TMEM232: variants seen among roughly 807,000 people sequenced by gnomAD.
TMEM232 encodes the protein transmembrane protein 232.
A neutral mutation model predicts 78.8 loss-of-function variants in TMEM232; 80 were observed. The observed-to-expected ratio is 1.01, with a 90% CI of 0.85 to 1.22. TMEM232 has a LOEUF of 1.22. TMEM232 is among the 50% of genes most tolerant of loss of function. The pLI is 0.00. For synonymous variants in TMEM232, 297 were observed against 254.3 expected (o/e 1.17, Z -1.60); for missense variants, 881 against 742.2 (o/e 1.19, Z -2.17).
intron 10 of TMEM232, among the ~76,000 whole-genome samples, chr5:110,592,756 T>A (rs1779679075): frequency 6.6e-6 from 1 of 152,176 alleles, no homozygotes; most frequent in South Asian, 2.1e-4. Context: ...AATAATCTAG[T>A]CTGTTAGGGA....
At chr5:110,451,085 CAAAAT>C (rs1488840730) in intron 12 of TMEM232, among the ~76,000 whole-genome samples, 1 of 152,116 alleles carries the variant, frequency 6.6e-6, no homozygotes, top group Non-Finnish European at 1.5e-5. Context: ...TGATGGAACA[CAAAAT>C]AAATGCTTAT....
intron 12 of TMEM232, among the ~76,000 whole-genome samples, chr5:110,462,979 A>ATT (rs914316987): frequency 6.6e-6 from 1 of 152,328 alleles, no homozygotes; most frequent in African/African-American, 2.4e-5. Context: ...TGCTGTGAAC[A>ATT]TTGTTGAAAT....
rs76528428 is a variant in TMEM232, at chr5:110,681,714, G to A, written c.-12-14350C>T. On this transcript the variant is annotated intron_variant, in intron 1 of 13. Coordinates refer to ENST00000455884, the MANE Select transcript of TMEM232 (RefSeq NM_001039763.4). ...TAGCAAAAACAAGTTACAGTTACAA[G>A]TTTAAGTGGAGTTGAATAATAGAAC... Among the ~76,000 whole-genome samples, 133 of 152,318 alleles carry A rather than the reference G, an allele frequency of 8.7e-4. 1 individual carries two copies. The East Asian group carries it at 0.024, about 27-fold the overall frequency.
At chr5:110,507,537 C>T (rs114173831) in intron 12 of TMEM232, among the ~76,000 whole-genome samples, 1 of 152,154 alleles carries the variant, frequency 6.6e-6, no homozygotes, top group Non-Finnish European at 1.5e-5. Flanking sequence ...AATATGAACA[C>T]AGAATTGGTG....
intron 10 of TMEM232, among the ~76,000 whole-genome samples, chr5:110,597,837 TCCCTACA>T (rs897369558): frequency 6.6e-6 from 1 of 152,172 alleles, no homozygotes; most frequent in African/African-American, 2.4e-5. Flanking sequence ...CTGGATCCCT[TCCCTACA>T]CCTTATACAA....
At chr5:110,483,614 G>T (rs965492491) in intron 12 of TMEM232, among the ~76,000 whole-genome samples, 4 of 152,034 alleles carry the variant, frequency 2.6e-5, no homozygotes, top group African/African-American at 9.7e-5. Context: ...TGGGGGAAGG[G>T]GGGAGGGATA....
chr5:110,589,878 T>C (rs1300461582), intron 10 of TMEM232, among the ~76,000 whole-genome samples: 2 of 152,164 alleles, frequency 1.3e-5, no homozygotes, highest in Admixed American at 6.5e-5. Context: ...TTTAAATAAA[T>C]TAATTTTCTT....
At chr5:110,575,780 A>T (rs1777509726) in intron 10 of TMEM232, among the ~76,000 whole-genome samples, 1 of 152,056 alleles carries the variant, frequency 6.6e-6, no homozygotes, top group African/African-American at 2.4e-5. Flanking sequence ...CTTCTCCCAC[A>T]GATCTTTGCA....
At position 110,568,515 on chromosome 5, in the gene TMEM232, G is replaced by A; in HGVS notation, c.1387C>T (p.Gln463Ter). Residue 463 changes from glutamine (Q) to a stop codon, truncating the protein, a stop_gained, in exon 11 of 14, where the codon CAA (glutamine) becomes TAA (stop). Coordinates refer to ENST00000455884, the MANE Select transcript of TMEM232 (RefSeq NM_001039763.4). LOFTEE classifies it high-confidence loss of function. ...TAATCCTTTGTTTTCTGCAATGTTT[G>A]CCATATCATGTTTCTAAGTCCATCC... ...EQDGLRNMIW[Q>*]TLQKTKDYEE... 1 of 1,549,108 alleles carries A rather than the reference G, an allele frequency of 6.5e-7. No individual in the cohort carries two copies. Among genetic ancestry groups the A allele is most frequent in the Non-Finnish European group, 8.7e-7 (1 of 1,145,576 alleles).
intron 12 of TMEM232, among the ~76,000 whole-genome samples, chr5:110,454,635 A>G (rs1435793366): frequency 6.6e-6 from 1 of 152,170 alleles, no homozygotes. Context: ...TTTTAAATTA[A>G]AAGAAAATGA....
intron 11 of TMEM232, among the ~76,000 whole-genome samples, chr5:110,551,418 T>A (rs1371990522): frequency 1.3e-5 from 2 of 150,642 alleles, no homozygotes; most frequent in Non-Finnish European, 3.0e-5. Flanking sequence ...AGAGATGGGG[T>A]TTCACCATCT....
Position 110,606,157 on chromosome 5 carries a change from A to G in TMEM232, c.1026+7T>C. 6.5e-7 allele frequency: 1 copy of G among 1,533,590 alleles called. No homozygotes were observed. The highest frequency in any genetic ancestry group is 2.5e-5 in the East Asian group (1 of 40,756). 95.0% of individuals were successfully genotyped at this position (1,533,590 alleles called of 1,614,324 possible). ...TTCTCTTTTCACATATAAATTAGCA[A>G]TGTTACCTGATTTTGAACAGACATA... On this transcript the variant is annotated splice_region_variant and intron_variant, in intron 9 of 13. Coordinates refer to ENST00000455884, the MANE Select transcript of TMEM232 (RefSeq NM_001039763.4).
intron 1 of TMEM232, among the ~76,000 whole-genome samples, chr5:110,696,772 A>G (rs1794837977): frequency 8.2e-6 from 1 of 121,802 alleles, no homozygotes; most frequent in South Asian, 3.2e-4. Flanking sequence ...AAGGAGAACT[A>G]CAAACCACTG....
At chr5:110,660,776 C>A (rs1445218131) in intron 2 of TMEM232, among the ~76,000 whole-genome samples, 2 of 151,954 alleles carry the variant, frequency 1.3e-5, no homozygotes, top group Admixed American at 1.3e-4. Context: ...GTTTAATGAT[C>A]AAATCAGGGT....
intron 10 of TMEM232, among the ~76,000 whole-genome samples, chr5:110,604,229 A>G (rs1371624920): frequency 6.6e-6 from 1 of 152,200 alleles, no homozygotes; most frequent in Admixed American, 6.6e-5. Flanking sequence ...ATAAATCTGT[A>G]AAGTTTTTTT....
At chr5:110,668,714 C>A (rs1307952786) in intron 1 of TMEM232, among the ~76,000 whole-genome samples, 2 of 152,130 alleles carry the variant, frequency 1.3e-5, no homozygotes, top group South Asian at 2.1e-4. Context: ...CCAAAATTGA[C>A]CACATAGTTG....
chr5:110,516,034 T>G (rs1056024146), intron 12 of TMEM232, among the ~76,000 whole-genome samples: 9 of 151,844 alleles, frequency 5.9e-5, no homozygotes, highest in Admixed American at 3.9e-4. Context: ...GGTCAGGAGG[T>G]CGAGACCATC....
chr5:110,410,495 A>G (rs184787927), intron 2 of TMEM232, among the ~76,000 whole-genome samples: 4 of 152,270 alleles, frequency 2.6e-5, no homozygotes, highest in Admixed American at 1.3e-4. Context: ...AACTGATATA[A>G]TATTTTTTCC....
intron 12 of TMEM232, among the ~76,000 whole-genome samples, chr5:110,514,094 C>T (rs1280055906): frequency 6.6e-6 from 1 of 152,110 alleles, no homozygotes; most frequent in African/African-American, 2.4e-5. Context: ...AAGAACCATT[C>T]AATGTTCTTT....
Sources: allele counts gnomAD v4.1 joint callset (sites outside exome capture counted in the v4.1 genomes callset), GRCh38; gene constraint gnomAD v4.1.1; transcripts MANE v1.5; gene names NCBI Gene and HGNC (gene_info 2026-07-23, HGNC 2026-07-21).